Variants in TCF7L2 observed in about 807,000 individuals in gnomAD.
The protein encoded by TCF7L2 is transcription factor 7 like 2.
Under a neutral mutation model 77.9 loss-of-function variants are expected in TCF7L2, and 23 were observed. That is an observed-to-expected ratio of 0.30 (90% CI 0.21 to 0.42). The LOEUF (loss-of-function observed/expected upper bound fraction) is 0.42, where lower values mean the gene tolerates loss of function less well. Ranked by LOEUF, TCF7L2 falls within the 10% of genes least tolerant of loss-of-function variation. TCF7L2 has a pLI of 1.00. For synonymous variants in TCF7L2, 413 were observed against 340.2 expected (o/e 1.21, Z -2.36); for missense variants, 654 against 793.1 (o/e 0.82, Z 2.11).
chr10:113,137,762 T>C (rs1041735739), intron 5 of TCF7L2, among the ~76,000 whole-genome samples: 7 of 152,232 alleles, frequency 4.6e-5, no homozygotes, highest in Non-Finnish European at 7.3e-5. Context: ...AGTTGCAATT[T>C]GGTGGTTCTT....
chr10:113,058,942 C>T (rs1301777815), intron 5 of TCF7L2, among the ~76,000 whole-genome samples: 1 of 152,166 alleles, frequency 6.6e-6, no homozygotes, highest in East Asian at 1.9e-4. Flanking sequence ...GTGCTCACTG[C>T]TGTGTATGCT....
chr10:112,982,005 C>T (rs1027178717), intron 4 of TCF7L2, among the ~76,000 whole-genome samples: 1 of 152,170 alleles, frequency 6.6e-6, no homozygotes, highest in Non-Finnish European at 1.5e-5. Flanking sequence ...GGATTCTTAT[C>T]CCTCTGTCTT....
rs1194081569 is a variant in TCF7L2 at position 113,151,163 on chromosome 10, G to A, written c.1001+40G>A. Reference sequence around the variant, plus strand: ...TTTTCTCACCTTCTTCGTAGCCGCAGTGTTCTGCAAGCCTGTTGCAGCTGC... The same window carrying A: ...TTTTCTCACCTTCTTCGTAGCCGCAATGTTCTGCAAGCCTGTTGCAGCTGC... On this transcript the variant is annotated intron_variant, in intron 9 of 13. Transcript: ENST00000627217. This position sits in a 1 kb window ranked among gnomAD's most constrained non-coding sequence, Gnocchi z 5.2. The A allele has an allele frequency of 6.2e-7, 1 of 1,613,496 alleles. No homozygotes were observed. Among genetic ancestry groups the A allele is most frequent in the African/African-American group, 1.3e-5 (1 of 74,884 alleles).
At chr10:113,129,600 A>G (rs1262380753) in intron 5 of TCF7L2, 1 of 1,121,250 alleles carries the variant, frequency 8.9e-7, no homozygotes, top group African/African-American at 1.7e-5. Flanking sequence ...TACAGGGGGA[A>G]GGATTAACAA....
In TCF7L2 at chr10:112,964,598, A is replaced by G. The variant is rs778897909; in HGVS notation, c.424A>G (p.Thr142Ala). The change falls in exon 4 of 14, where the codon ACG becomes GCG. Residue 142 changes from threonine to alanine, a missense_variant. By Grantham distance (58) the Thr-to-Ala change is moderately conservative (BLOSUM62 0). Coordinates refer to ENST00000627217, the MANE Select transcript of TCF7L2 (RefSeq NM_001146274.2). ...CAGCACACATTACTCTGCGTACAAA[A>G]CGATTGAACACCAGATTGCAGTTCA... 3 of 1,613,278 alleles carry G rather than the reference A, an allele frequency of 1.9e-6. No individual in the cohort carries two copies. The highest frequency in any genetic ancestry group is 1.7e-6 in the Non-Finnish European group (2 of 1,179,434).
chr10:113,135,306 C>T (rs749211031), intron 5 of TCF7L2, among the ~76,000 whole-genome samples: 2 of 152,182 alleles, frequency 1.3e-5, no homozygotes, highest in African/African-American at 4.8e-5. Flanking sequence ...CATTCCCCCC[C>T]ACTGTAGTCG....
At chr10:113,106,013 G>C (rs188590158) in intron 5 of TCF7L2, among the ~76,000 whole-genome samples, 8 of 152,340 alleles carry the variant, frequency 5.3e-5, no homozygotes, top group East Asian at 3.9e-4. Context: ...GAAGATAGCA[G>C]TAAGTGGAAT....
At position 112,998,228 on chromosome 10, in the gene TCF7L2, C is replaced by T. The variant is rs11196186; in HGVS notation, c.450+33604C>T. On this transcript the variant is annotated intron_variant, in intron 4 of 13. Coordinates refer to ENST00000627217, the MANE Select transcript of TCF7L2 (RefSeq NM_001146274.2). ...TGCTGGGATTATAGGCGTGAGCCAC[C>T]GAGTTTAGCCCAGGTTCTGTTTCTT... Among the ~76,000 whole-genome samples, 12 of 152,098 alleles carry T rather than the reference C, an allele frequency of 7.9e-5. No individual in the cohort carries two copies. In the East Asian group the frequency reaches 2.3e-3, roughly 29 times the overall value.
At chr10:113,020,075 G>A (rs149056827) in intron 4 of TCF7L2, among the ~76,000 whole-genome samples, 4 of 152,266 alleles carry the variant, frequency 2.6e-5, no homozygotes, top group East Asian at 3.9e-4. Context: ...AAAGTGCTGT[G>A]GCCCGAGGGT....
intron 3 of TCF7L2, among the ~76,000 whole-genome samples, chr10:112,959,183 C>A (rs539554636): frequency 6.8e-6 from 1 of 147,438 alleles, no homozygotes; most frequent in Non-Finnish European, 1.5e-5. Context: ...TTTTTTTTTG[C>A]GAGACTTTGC....
In TCF7L2 at chr10:112,996,110, A is replaced by G. The variant is rs189483932; in HGVS notation, c.450+31486A>G. ...TGGGCATTCATTTACAGAGGATCCC[A>G]TTTTACAGGTGAGGAAGAGGCCAGC... is the stretch of plus-strand genomic sequence containing the variant. On this transcript the variant is annotated intron_variant, in intron 4 of 13. Transcript: ENST00000627217. Among the ~76,000 whole-genome samples the G allele has an allele frequency of 1.4e-3, 209 of 152,238 alleles. 1 individual carries two copies. In the Middle Eastern group the frequency reaches 0.024, roughly 17 times the overall value.
At chr10:113,126,882 GT>G in intron 5 of TCF7L2, 1 of 985,566 alleles carries the variant, frequency 1.0e-6, no homozygotes, top group Non-Finnish European at 1.2e-6. Flanking sequence ...TCTCTAGATG[GT>G]AAGCGCGGCC....
At position 113,085,270 on chromosome 10, in the gene TCF7L2, A is replaced by G. The variant is rs1023473336; in HGVS notation, c.552+45144A>G. Among the ~76,000 whole-genome samples, 5 of 147,618 alleles carry G rather than the reference A, an allele frequency of 3.4e-5. No homozygotes were observed. In the South Asian group the frequency reaches 6.4e-4, roughly 19 times the overall value. Reference sequence around the variant, plus strand: ...TTTTTAGTAGAGACGAGGTCTTGCTATGTTGCCCAGTCTAGTCTTGAACTC... The same window carrying G: ...TTTTTAGTAGAGACGAGGTCTTGCTGTGTTGCCCAGTCTAGTCTTGAACTC... On this transcript the variant is annotated intron_variant, in intron 5 of 13. Coordinates refer to ENST00000627217, the MANE Select transcript of TCF7L2 (RefSeq NM_001146274.2).
intron 5 of TCF7L2, among the ~76,000 whole-genome samples, chr10:113,050,905 A>C (rs1020015201): frequency 7.9e-5 from 12 of 152,190 alleles, no homozygotes; most frequent in Non-Finnish European, 1.6e-4. Context: ...GTTTTCAGGT[A>C]TTGAGAATAA....
intron 4 of TCF7L2, among the ~76,000 whole-genome samples, chr10:113,007,844 C>T (rs1411454210): frequency 6.6e-6 from 1 of 152,192 alleles, no homozygotes; most frequent in Non-Finnish European, 1.5e-5. Context: ...ATCCTTGCCC[C>T]GATTCCGGGA....
chr10:113,003,128 G>T (rs1278250164), intron 4 of TCF7L2, among the ~76,000 whole-genome samples: 7 of 152,194 alleles, frequency 4.6e-5, no homozygotes, highest in Admixed American at 4.6e-4. Context: ...TGTCTCCATT[G>T]TATAACATAC....
At chr10:113,014,942 C>T (rs552718176) in intron 4 of TCF7L2, among the ~76,000 whole-genome samples, 19 of 152,280 alleles carry the variant, frequency 1.2e-4, no homozygotes, top group East Asian at 7.7e-4. Context: ...AATCCCAGCA[C>T]GCTGGGAGGC....
intron 5 of TCF7L2, among the ~76,000 whole-genome samples, chr10:113,073,503 C>CAAAAAAAA (rs35730806): frequency 7.3e-4 from 32 of 43,970 alleles, no homozygotes; most frequent in Non-Finnish European, 1.1e-3. Context: ...CGGTCTCTAC[C>CAAAAAAAA]AAAAAAAAAA....
intron 5 of TCF7L2, among the ~76,000 whole-genome samples, chr10:113,081,426 G>A (rs116591636): frequency 6.6e-5 from 10 of 152,304 alleles, no homozygotes; most frequent in African/African-American, 2.4e-4. Flanking sequence ...TGCAGCCTGT[G>A]CTGCTTGAAC....
Sources: allele counts gnomAD v4.1 joint callset (sites outside exome capture counted in the v4.1 genomes callset), GRCh38; gene constraint gnomAD v4.1.1; non-coding constraint Gnocchi (gnomAD v3.1); transcripts MANE v1.5; gene names NCBI Gene and HGNC (gene_info 2026-07-23, HGNC 2026-07-21).